Variants in PELP1 observed in about 807,000 individuals in gnomAD.
The protein encoded by PELP1 is proline-, glutamic acid- and leucine-rich protein 1.
In PELP1, 32 loss-of-function variants were observed where a neutral mutation model predicts 95.5. The observed-to-expected ratio is 0.34, with a 90% CI of 0.25 to 0.45. The LOEUF is 0.45. PELP1 is among the 20% of genes least tolerant of loss of function. The pLI, the probability that PELP1 is intolerant of heterozygous loss-of-function variation, is 1.00. For missense variants in PELP1, 1,358 were observed against 1,444.8 expected (o/e 0.94, Z 0.97); for synonymous variants, 668 against 600.1 (o/e 1.11, Z -1.65).
chr17:4,671,703 A>C lies in PELP1; in HGVS notation c.3288T>G (p.Ala1096=), dbSNP rs763942604. The stretch of plus-strand genomic sequence containing the variant: ...CCTGGCCTCTCACCTTTTCCTGGAG[A>C]GCTTCGGCCTCTGTCTCTGTCTCCA... ...EEMETETEAE[A]LQEKEQDDTA... is the part of the protein sequence containing the mutation. Residue 1096 remains alanine, a synonymous_variant, in exon 16 of 17, where the codon GCT becomes GCG. Coordinates refer to ENST00000572293, the MANE Select transcript of PELP1 (RefSeq NM_014389.3). 1 of 1,562,426 alleles carries C rather than the reference A, an allele frequency of 6.4e-7. No homozygotes were observed. The highest frequency in any genetic ancestry group is 8.6e-7 in the Non-Finnish European group (1 of 1,159,386).
At chr17:4,684,048 C>G (rs1912818139) in intron 3 of PELP1, among the ~76,000 whole-genome samples, 1 of 151,928 alleles carries the variant, frequency 6.6e-6, no homozygotes, top group South Asian at 2.1e-4. Flanking sequence ...TTGTTGCTAA[C>G]TGGCTCAAAC....
chr17:4,674,959 G>C lies in PELP1; in HGVS notation c.1275-3C>G. 6.2e-7 allele frequency: 1 copy of C among 1,609,372 alleles called. No homozygotes were observed. The highest frequency in any genetic ancestry group is 8.5e-7 in the Non-Finnish European group (1 of 1,176,456). ...CATACACCTTGGTCCGAACCGTGCT[G>C]TGTCATGAGCAAAGATGGCAGTTAT... On this transcript the variant is annotated splice_region_variant and splice_polypyrimidine_tract_variant and intron_variant, in intron 11 of 16. Transcript: ENST00000572293.
chr17:4,681,361 A>G (rs12937443), intron 5 of PELP1, among the ~76,000 whole-genome samples: 145,623 of 152,054 alleles, frequency 0.96, 70,048 homozygotes, highest in East Asian at 1. Context: ...GGCATATGTC[A>G]GTAATCCCAG....
chr17:4,690,268 T>C (rs2135912), intron 3 of PELP1, among the ~76,000 whole-genome samples: 148,795 of 152,158 alleles, frequency 0.98, 72,836 homozygotes, highest in Middle Eastern at 1. Flanking sequence ...CTCTGAGGAC[T>C]CGGGCGGAAA....
intron 3 of PELP1, among the ~76,000 whole-genome samples, chr17:4,684,590 G>A (rs927167421): frequency 2.1e-5 from 3 of 140,856 alleles, no homozygotes; most frequent in South Asian, 2.4e-4. Flanking sequence ...ACTGTCACTC[G>A]CTTTATCTCC....
At chr17:4,678,335 C>A (rs1225804615) in intron 5 of PELP1, among the ~76,000 whole-genome samples, 2 of 152,104 alleles carry the variant, frequency 1.3e-5, no homozygotes, top group East Asian at 3.9e-4. Flanking sequence ...CCCGAGACAT[C>A]CTAGTGGTGC....
At chr17:4,686,052 G>A (rs938247971) in intron 3 of PELP1, among the ~76,000 whole-genome samples, 7 of 152,016 alleles carry the variant, frequency 4.6e-5, no homozygotes, top group Non-Finnish European at 8.8e-5. Context: ...AGCCGAGACC[G>A]CGCCACTGCA....
intron 13 of PELP1, among the ~76,000 whole-genome samples, chr17:4,674,256 C>A (rs1912356680): frequency 6.6e-6 from 1 of 152,274 alleles, no homozygotes; most frequent in South Asian, 2.1e-4. Flanking sequence ...CCGCCTGCAG[C>A]CCTGGCAACA....
In PELP1 at chr17:4,673,197, T is replaced by C. The variant is rs1912309071; in HGVS notation, c.1846-52A>G. ...GAGCACCAGAAATACTGGGAGTCTC[T>C]TGGAAACAAGAGACTCCAGGAACCA... On this transcript the variant is annotated intron_variant, in intron 15 of 16. Coordinates refer to ENST00000572293, the MANE Select transcript of PELP1 (RefSeq NM_014389.3). The surrounding 1 kb of genome is among the most constrained non-coding windows in gnomAD (Gnocchi z 5.7). 6.5e-7 allele frequency: 1 copy of C among 1,529,064 alleles called. No homozygotes were observed. The highest frequency in any genetic ancestry group is 8.8e-7 in the Non-Finnish European group (1 of 1,134,366). The allele number at this position is 1,529,064 out of a possible 1,614,324, so 94.7% of individuals were successfully genotyped here.
At chr17:4,689,690 G>A (rs12602999) in intron 3 of PELP1, among the ~76,000 whole-genome samples, 148,941 of 152,292 alleles carry the variant, frequency 0.98, 72,912 homozygotes, top group Middle Eastern at 1. Context: ...TTGCAAAAAT[G>A]TGGAACCAGC....
rs754279942 is a variant in PELP1 at position 4,674,932 on chromosome 17, C to T, written c.1299G>A (p.Ala433=). 65 of 1,613,038 alleles carry T rather than the reference C, an allele frequency of 4.0e-5. No individual in the cohort carries two copies. Among genetic ancestry groups the T allele is most frequent in the Non-Finnish European group, 5.2e-5 (61 of 1,179,298 alleles). The stretch of plus-strand genomic sequence containing the variant: ...AAACCTGCACCCACAGCTCTAATAT[C>T]GCATACACCTTGGTCCGAACCGTGC... The part of the protein sequence containing the change: ...PYSTVRTKVY[A]ILELWVQVCG... The change falls in exon 12 of 17, where the codon GCG becomes GCA. Residue 433 remains alanine, a synonymous_variant. Coordinates refer to ENST00000572293, the MANE Select transcript of PELP1 (RefSeq NM_014389.3).
At chr17:4,691,484 T>C (rs1445787673) in intron 1 of PELP1, 42 bp from the exon 2 acceptor site, 2 of 1,483,464 alleles carry the variant, frequency 1.3e-6, no homozygotes, top group Admixed American at 1.7e-5. Flanking sequence ...AAACGGGATG[T>C]TAAAAATGCA....
intron 1 of PELP1, among the ~76,000 whole-genome samples, chr17:4,694,843 C>T (rs1442295014): frequency 6.6e-6 from 1 of 150,664 alleles, no homozygotes. Context: ...TGGTGGTGGG[C>T]GCCTGTAATC....
At chr17:4,682,185 G>C (rs1230866639) in intron 5 of PELP1, among the ~76,000 whole-genome samples, 1 of 152,146 alleles carries the variant, frequency 6.6e-6, no homozygotes, top group Non-Finnish European at 1.5e-5. Flanking sequence ...TGGTAGAAAA[G>C]TGGGTAGGGC....
At chr17:4,687,019 T>C (rs542443220) in intron 3 of PELP1, among the ~76,000 whole-genome samples, 30 of 152,330 alleles carry the variant, frequency 2.0e-4, no homozygotes, top group Admixed American at 7.2e-4. Context: ...AAACAGGCCA[T>C]GCTCCTCTTC....
At chr17:4,688,024 A>G (rs1346885776) in intron 3 of PELP1, among the ~76,000 whole-genome samples, 1 of 152,156 alleles carries the variant, frequency 6.6e-6, no homozygotes, top group Non-Finnish European at 1.5e-5. Context: ...CAGAGCAATC[A>G]GACAAGAGAA....
intron 1 of PELP1, among the ~76,000 whole-genome samples, chr17:4,694,484 T>G (rs1370004631): frequency 1.6e-4 from 2 of 12,268 alleles, no homozygotes; most frequent in Non-Finnish European, 3.3e-4. Flanking sequence ...AAACGCCATC[T>G]CTACCAAAAA....
chr17:4,686,746 G>A (rs143670032), intron 3 of PELP1, among the ~76,000 whole-genome samples: 24,662 of 152,008 alleles, frequency 0.16, 2,581 homozygotes, highest in Non-Finnish European at 0.25. Context: ...TCGAACTCCC[G>A]ACCTCAGGTG....
At chr17:4,699,897 A>ATTTTTTTTTT (rs34806511) in intron 1 of PELP1, among the ~76,000 whole-genome samples, 1 of 86,740 alleles carries the variant, frequency 1.2e-5, no homozygotes, top group Non-Finnish European at 2.0e-5. Flanking sequence ...CTAGAGGGTG[A>ATTTTTTTTTT]TTTTTTTTTT....
Sources: gnomAD v4.1 joint callset for allele counts (sites outside exome capture counted in the v4.1 genomes callset) on GRCh38, gnomAD v4.1.1 for gene constraint, Gnocchi (gnomAD v3.1) non-coding constraint, MANE v1.5 for transcripts, NCBI Gene and HGNC (gene_info 2026-07-23, HGNC 2026-07-21) for gene names.